Variants in KLF15 observed in about 807,000 individuals in gnomAD.
KLF15 encodes the protein KLF transcription factor 15, also known as Krueppel-like factor 15.
KLF15 carries 4 observed loss-of-function variants against 24.6 expected under a neutral mutation model. The ratio of observed to expected loss-of-function variants is 0.16; its 90% CI spans 0.08 to 0.37. The LOEUF (loss-of-function observed/expected upper bound fraction) is 0.37. Among genes scored for constraint, KLF15 ranks in the 10% least tolerant of loss-of-function variants. The pLI is 1.00. For synonymous variants in KLF15, 246 were observed against 236.3 expected, an observed-to-expected ratio of 1.04 and a Z score of -0.37; for missense variants, 496 against 560.6, an observed-to-expected ratio of 0.88 and a Z score of 1.16.
rs755522464 is a variant in KLF15 at position 126,352,288 on chromosome 3, G to C, written c.635C>G (p.Thr212Arg). ...CAACACTGGGATGGGGCCATCAGGC[G>C]TGGGGCCCCCACCTGGGCCCTGGGC... ...GGAQGPGGGP[T>R]PDGPIPVLLQ... Residue 212 changes from threonine to arginine, a missense_variant, in exon 2 of 3, where the codon ACG (threonine) becomes AGG (arginine). Transcript: ENST00000296233. 2.6e-6 allele frequency: 4 copies of C among 1,546,022 alleles called. No homozygotes were observed. Among genetic ancestry groups the C allele is most frequent in the Admixed American group, 2.0e-5 (1 of 50,276 alleles).
downstream of KLF15, among the ~76,000 whole-genome samples, chr3:126,338,943 G>C (rs533731884): frequency 6.6e-6 from 1 of 152,352 alleles, no homozygotes; most frequent in South Asian, 2.1e-4. Context: ...GGAAACAGCA[G>C]GGAACGTCCC....
the KLF15 span, among the ~76,000 whole-genome samples, chr3:126,304,187 C>G: frequency 6.8e-6 from 1 of 146,616 alleles, no homozygotes; most frequent in African/African-American, 2.5e-5. Flanking sequence ...TATAAATATT[C>G]TTAAATTTTG....
At chr3:126,295,502 A>G in the KLF15 span, among the ~76,000 whole-genome samples, 2 of 152,216 alleles carry the variant, frequency 1.3e-5, no homozygotes, top group Non-Finnish European at 2.9e-5. Flanking sequence ...GATACAAAGT[A>G]TGGCACTGAG....
the KLF15 span, among the ~76,000 whole-genome samples, chr3:126,323,124 A>G: frequency 6.6e-6 from 1 of 150,462 alleles, no homozygotes; most frequent in East Asian, 2.0e-4. Context: ...AATTTTATAG[A>G]TAAGTTGCAA....
At chr3:126,317,700 A>C in the KLF15 span, among the ~76,000 whole-genome samples, 1 of 152,096 alleles carries the variant, frequency 6.6e-6, no homozygotes, top group African/African-American at 2.4e-5. Flanking sequence ...CCAACATATA[A>C]ATTTCAAGTC....
At chr3:126,304,667 G>A in the KLF15 span, among the ~76,000 whole-genome samples, 1 of 152,190 alleles carries the variant, frequency 6.6e-6, no homozygotes, top group African/African-American at 2.4e-5. Context: ...TTCACAGCTT[G>A]ACATCTAAAG....
chr3:126,313,205 A>G, the KLF15 span, among the ~76,000 whole-genome samples: 2 of 152,302 alleles, frequency 1.3e-5, no homozygotes, highest in Middle Eastern at 3.4e-3. Flanking sequence ...GAATGACAAC[A>G]TGGGGACACA....
At chr3:126,293,449 G>T in the KLF15 span, among the ~76,000 whole-genome samples, 5 of 152,158 alleles carry the variant, frequency 3.3e-5, no homozygotes, top group Non-Finnish European at 7.4e-5. Context: ...GCCTCCTCGG[G>T]GTCTGGGAGG....
At chr3:126,334,290 A>G in the KLF15 span, among the ~76,000 whole-genome samples, 1 of 150,030 alleles carries the variant, frequency 6.7e-6, no homozygotes, top group Non-Finnish European at 1.5e-5. Flanking sequence ...GCTCAACTAC[A>G]TGGAAACTGA....
At chr3:126,323,019 C>CTT in the KLF15 span, among the ~76,000 whole-genome samples, 30 of 133,032 alleles carry the variant, frequency 2.3e-4, no homozygotes, top group African/African-American at 4.6e-4. Flanking sequence ...CAAGCCTGTT[C>CTT]TTTTTTTTTT....
At chr3:126,291,474 G>A in the KLF15 span, among the ~76,000 whole-genome samples, 3 of 152,182 alleles carry the variant, frequency 2.0e-5, no homozygotes, top group Non-Finnish European at 4.4e-5. Flanking sequence ...GAACTGGGAG[G>A]GCTGAAATTG....
chr3:126,315,486 A>G, the KLF15 span, among the ~76,000 whole-genome samples: 1 of 152,146 alleles, frequency 6.6e-6, no homozygotes, highest in African/African-American at 2.4e-5. Flanking sequence ...CATCTTGTCA[A>G]TATGGAGCAG....
the KLF15 span, among the ~76,000 whole-genome samples, chr3:126,300,010 C>T: frequency 6.6e-6 from 1 of 152,092 alleles, no homozygotes. Context: ...CGTGCCCCCA[C>T]GTGTGGTGAC....
At chr3:126,323,403 TTATATATATATATATATA>T in the KLF15 span, among the ~76,000 whole-genome samples, 9 of 50,830 alleles carry the variant, frequency 1.8e-4, no homozygotes, top group Admixed American at 5.8e-4. Context: ...GCCCCAGTAG[TTATATATATATATATATA>T]TATATATATA....
chr3:126,316,289 T>C, the KLF15 span, among the ~76,000 whole-genome samples: 41,916 of 142,420 alleles, frequency 0.29, 7,448 homozygotes, highest in African/African-American at 0.52. Context: ...TGGGCCAGAA[T>C]GGGGAAGGGA....
At chr3:126,314,142 G>T in the KLF15 span, among the ~76,000 whole-genome samples, 1 of 151,980 alleles carries the variant, frequency 6.6e-6, no homozygotes, top group African/African-American at 2.4e-5. Flanking sequence ...GTGGCCAACG[G>T]TCACCCAGAG....
chr3:126,349,816 C>A lies in KLF15; in HGVS notation c.1082+2025G>T, dbSNP rs76820139. 5.8e-3 allele frequency among the ~76,000 whole-genome samples: 888 copies of A among 152,290 alleles called. 8 individuals carry two copies. Among genetic ancestry groups the A allele is most frequent in the African/African-American group, 0.02 (848 of 41,558 alleles). On this transcript the variant is annotated intron_variant, in intron 2 of 2. Transcript: ENST00000296233. ...TCCCTGCCTCTCTGCAGCCCCTGCCCGCCCTCACCAAGAGGAGAGTGCATA... is the reference window on the plus strand; with the variant it reads ...TCCCTGCCTCTCTGCAGCCCCTGCCAGCCCTCACCAAGAGGAGAGTGCATA...
the KLF15 span, among the ~76,000 whole-genome samples, chr3:126,324,388 A>G: frequency 0.018 from 1,333 of 73,286 alleles, 59 homozygotes; most frequent in African/African-American, 0.07. Flanking sequence ...CATTTGATCC[A>G]GTAATGTTCT....
chr3:126,337,270 T>C, the KLF15 span, among the ~76,000 whole-genome samples: 2 of 137,518 alleles, frequency 1.5e-5, no homozygotes, highest in Admixed American at 7.3e-5. Context: ...GTTCGTGTCC[T>C]TTGCAGGGAC....
Sources: gnomAD v4.1 joint callset for allele counts (sites outside exome capture counted in the v4.1 genomes callset) on GRCh38, gnomAD v4.1.1 for gene constraint, MANE v1.5 for transcripts, NCBI Gene and HGNC (gene_info 2026-07-23, HGNC 2026-07-21) for gene names.